The following TMCC1 variants were observed in gnomAD, a reference collection of about 807,000 sequenced individuals.
The protein encoded by TMCC1 is transmembrane and coiled-coil domains protein 1.
Under a neutral mutation model 52.4 loss-of-function variants are expected in TMCC1, and 15 were observed. That is an observed-to-expected ratio of 0.29 (90% CI 0.19 to 0.44). TMCC1 has a LOEUF of 0.44. Ranked by LOEUF, TMCC1 falls within the 20% of genes least tolerant of loss-of-function variation. The pLI, the probability that TMCC1 is intolerant of heterozygous loss-of-function variation, is 1.00. For missense variants in TMCC1, 503 were observed against 806.0 expected (o/e 0.62, Z 4.55); for synonymous variants, 279 against 301.9 (o/e 0.92, Z 0.79).
At chr3:129,881,374 G>A (rs1318099578) in intron 1 of TMCC1, among the ~76,000 whole-genome samples, 4 of 152,028 alleles carry the variant, frequency 2.6e-5, no homozygotes, top group Non-Finnish European at 5.9e-5. Context: ...ATCATGCAAC[G>A]AATCATAGAT....
At chr3:129,754,713 T>C (rs755634108) in intron 4 of TMCC1, among the ~76,000 whole-genome samples, 8 of 152,308 alleles carry the variant, frequency 5.3e-5, no homozygotes, top group African/African-American at 1.7e-4. Flanking sequence ...TTACAACTTA[T>C]ACAAAATAAT....
chr3:129,692,794 C>T (rs1244652922), intron 4 of TMCC1, among the ~76,000 whole-genome samples: 1 of 152,052 alleles, frequency 6.6e-6, no homozygotes, highest in Non-Finnish European at 1.5e-5. Flanking sequence ...TTTTTTGTCC[C>T]AAACTAAAGT....
chr3:129,696,753 T>C (rs546623191), intron 4 of TMCC1, among the ~76,000 whole-genome samples: 75 of 152,150 alleles, frequency 4.9e-4, no homozygotes, highest in Non-Finnish European at 8.2e-4. Flanking sequence ...CCATTCCACA[T>C]GGGAGAAACT....
intron 5 of TMCC1, among the ~76,000 whole-genome samples, chr3:129,661,725 C>T (rs1438556676): frequency 6.6e-6 from 1 of 152,040 alleles, no homozygotes; most frequent in Non-Finnish European, 1.5e-5. Flanking sequence ...ACTGCTTCAG[C>T]ATGGAAGGCA....
chr3:129,716,806 G>A (rs931145498), intron 4 of TMCC1, among the ~76,000 whole-genome samples: 1 of 152,132 alleles, frequency 6.6e-6, no homozygotes, highest in African/African-American at 2.4e-5. Flanking sequence ...CTCCAAAGCT[G>A]AAGTGGTACC....
At position 129,884,006 on chromosome 3, in the gene TMCC1, G is replaced by A. The variant is rs150261305; in HGVS notation, c.-434-3447C>T. On this transcript the variant is annotated intron_variant, in intron 1 of 6. Coordinates refer to ENST00000393238, the MANE Select transcript of TMCC1 (RefSeq NM_001017395.5). ...TGGATACAATGCAGGCCAGAAGATGGTGAAACAGCATCATAAAGAAACGTC... is the reference window on the plus strand; with the variant it reads ...TGGATACAATGCAGGCCAGAAGATGATGAAACAGCATCATAAAGAAACGTC... Among the ~76,000 whole-genome samples the A allele has an allele frequency of 5.1e-4, 77 of 152,186 alleles. 1 individual carries two copies. The highest frequency in any genetic ancestry group is 1.6e-3 in the African/African-American group (68 of 41,540).
intron 4 of TMCC1, among the ~76,000 whole-genome samples, chr3:129,775,864 T>C (rs1285124640): frequency 6.6e-6 from 1 of 152,154 alleles, no homozygotes; most frequent in Non-Finnish European, 1.5e-5. Context: ...ATAAATCAGA[T>C]CATCAGATTC....
intron 4 of TMCC1, among the ~76,000 whole-genome samples, chr3:129,708,503 T>C (rs1221010963): frequency 2.0e-5 from 3 of 152,246 alleles, no homozygotes; most frequent in Non-Finnish European, 4.4e-5. Flanking sequence ...TTTCCATAAA[T>C]CACATAAATG....
At chr3:129,887,984 G>A (rs809213) in intron 1 of TMCC1, among the ~76,000 whole-genome samples, 35,753 of 152,128 alleles carry the variant, frequency 0.24, 6,788 homozygotes, top group East Asian at 0.57. Context: ...ACGACTTCAG[G>A]AAGTAAGTAG....
chr3:129,759,909 G>A (rs1296867245), intron 4 of TMCC1, among the ~76,000 whole-genome samples: 1 of 151,060 alleles, frequency 6.6e-6, no homozygotes, highest in South Asian at 2.1e-4. Flanking sequence ...TTTTAGTAGA[G>A]ACGGGGTTTC....
rs535888850 is a variant in TMCC1, at chr3:129,692,850, T to C, written c.577-21586A>G. On this transcript the variant is annotated intron_variant, in intron 4 of 6. Transcript: ENST00000393238. ...AAAAGACAAATCATTTATTTATTTA[T>C]TTATTTATTTAAGATGGGGTCTTGC... is the stretch of plus-strand genomic sequence containing the variant. Among the ~76,000 whole-genome samples, 16 of 152,268 alleles carry C rather than the reference T, an allele frequency of 1.1e-4. 1 individual carries two copies. The South Asian group carries it at 3.3e-3, about 32-fold the overall frequency.
chr3:129,801,092 T>A (rs558872151), intron 4 of TMCC1, among the ~76,000 whole-genome samples: 7 of 151,932 alleles, frequency 4.6e-5, no homozygotes, highest in Admixed American at 4.6e-4. Context: ...CCCAGCTGAT[T>A]TTTTGTATTT....
intron 4 of TMCC1, among the ~76,000 whole-genome samples, chr3:129,730,612 T>C (rs2050463373): frequency 6.6e-6 from 1 of 152,242 alleles, no homozygotes; most frequent in Non-Finnish European, 1.5e-5. Flanking sequence ...TTATTTTTCT[T>C]TTCCAGTATG....
rs1297487938 is a variant in TMCC1, at chr3:129,890,626, G to T, written c.-435+2868C>A. On this transcript the variant is annotated intron_variant, in intron 1 of 6. Coordinates refer to ENST00000393238, the MANE Select transcript of TMCC1 (RefSeq NM_001017395.5). ...ATACCATCCCCCACTCTCTGATAGGGACTCCAGAGCAGTTTTAAAAAGCCA... is the reference window on the plus strand; with the variant it reads ...ATACCATCCCCCACTCTCTGATAGGTACTCCAGAGCAGTTTTAAAAAGCCA... Among the ~76,000 whole-genome samples, 37 of 152,142 alleles carry T rather than the reference G, an allele frequency of 2.4e-4. 1 individual carries two copies. Among genetic ancestry groups the T allele is most frequent in the Admixed American group, 2.4e-3 (37 of 15,274 alleles).
intron 4 of TMCC1, among the ~76,000 whole-genome samples, chr3:129,798,716 T>C (rs2057006043): frequency 6.6e-6 from 1 of 152,170 alleles, no homozygotes; most frequent in Non-Finnish European, 1.5e-5. Flanking sequence ...TTGCACAGAC[T>C]TGTTAACTAT....
At chr3:129,813,082 A>G (rs1001063074) in intron 4 of TMCC1, among the ~76,000 whole-genome samples, 8 of 152,210 alleles carry the variant, frequency 5.3e-5, no homozygotes, top group African/African-American at 1.9e-4. Flanking sequence ...ACTAATCATT[A>G]GAGAAATGCA....
At chr3:129,718,336 GC>G (rs754643825) in intron 4 of TMCC1, among the ~76,000 whole-genome samples, 11 of 152,184 alleles carry the variant, frequency 7.2e-5, no homozygotes, top group Non-Finnish European at 1.3e-4. Context: ...ACCTCCAGTT[GC>G]TAGCAGTGAG....
At chr3:129,750,561 T>G (rs1310783530) in intron 4 of TMCC1, among the ~76,000 whole-genome samples, 1 of 136,508 alleles carries the variant, frequency 7.3e-6, no homozygotes. Context: ...CCTACGGAAA[T>G]AGATCTAAAT....
chr3:129,707,760 C>T (rs916995553), intron 4 of TMCC1, among the ~76,000 whole-genome samples: 1 of 151,916 alleles, frequency 6.6e-6, no homozygotes, highest in African/African-American at 2.4e-5. Flanking sequence ...GGTGAAACCC[C>T]GTCTCTACTA....
Sources: gnomAD v4.1 joint callset for allele counts (sites outside exome capture counted in the v4.1 genomes callset) on GRCh38, gnomAD v4.1.1 for gene constraint, MANE v1.5 for transcripts, NCBI Gene and HGNC (gene_info 2026-07-23, HGNC 2026-07-21) for gene names.